The following SPRYD7 variants were observed in gnomAD, a reference collection of about 807,000 sequenced individuals.
SPRYD7 encodes the protein SPRY domain-containing protein 7.
A neutral mutation model predicts 23.8 loss-of-function variants in SPRYD7; 14 were observed. The observed-to-expected ratio is 0.59, with a 90% confidence interval of 0.39 to 0.92. The LOEUF (loss-of-function observed/expected upper bound fraction) is 0.92, where lower values mean the gene tolerates loss of function less well. SPRYD7 is among the 40% of genes least tolerant of loss of function. The pLI is 0.00. For synonymous variants in SPRYD7, 75 were observed against 84.9 expected (o/e 0.88, Z 0.64); for missense variants, 194 against 241.7 (o/e 0.80, Z 1.31).
At chr13:49,925,532 C>T (rs561475534) in intron 3 of SPRYD7, among the ~76,000 whole-genome samples, 2 of 152,114 alleles carry the variant, frequency 1.3e-5, no homozygotes, top group East Asian at 3.9e-4. Context: ...AGAAAGTAGG[C>T]CGGGCACGGT....
intron 3 of SPRYD7, among the ~76,000 whole-genome samples, chr13:49,925,568 T>C (rs1566404939): frequency 6.6e-6 from 1 of 151,974 alleles, no homozygotes; most frequent in Admixed American, 6.6e-5. Flanking sequence ...TCCCAGCACT[T>C]TGGGAGGCCG....
intron 2 of SPRYD7, 68 bp downstream of exon 2, chr13:49,930,950 G>T: frequency 2.1e-6 from 2 of 939,042 alleles, no homozygotes; most frequent in Non-Finnish European, 3.2e-6. Flanking sequence ...TCTTTTTTAT[G>T]TGTTACAAAT....
chr13:49,915,813 G>A (rs1594507215), intron 4 of SPRYD7, among the ~76,000 whole-genome samples: 2 of 152,320 alleles, frequency 1.3e-5, no homozygotes, highest in South Asian at 2.1e-4. Flanking sequence ...AACTGGTGAA[G>A]GATAAAGAAA....
intron 3 of SPRYD7, among the ~76,000 whole-genome samples, chr13:49,926,064 T>G (rs919464030): frequency 1.3e-5 from 2 of 152,182 alleles, no homozygotes; most frequent in Non-Finnish European, 2.9e-5. Context: ...TGTTAACAAT[T>G]TGGTAAAATT....
chr13:49,922,723 A>G (rs750899634), intron 3 of SPRYD7, among the ~76,000 whole-genome samples: 1 of 152,198 alleles, frequency 6.6e-6, no homozygotes, highest in Non-Finnish European at 1.5e-5. Flanking sequence ...CTTTCAATAG[A>G]GAAGTCATCA....
In SPRYD7 at chr13:49,936,269, A is replaced by G; in HGVS notation, c.-34T>C. ...GACCACCGACTCCGCCGCCGTCCCT[A>G]GACCGAGGCGACACTGCCCCCCGCC... On this transcript the variant is annotated 5_prime_UTR_variant, in exon 1 of 5. Coordinates refer to ENST00000361840, the MANE Select transcript of SPRYD7 (RefSeq NM_020456.4). 1 of 1,507,840 alleles carries G rather than the reference A, an allele frequency of 6.6e-7. No individual in the cohort carries two copies. The highest frequency in any genetic ancestry group is 1.2e-5 in the South Asian group (1 of 85,266). The allele number at this position is 1,507,840 out of a possible 1,614,324, so 93.4% of individuals were successfully genotyped here.
chr13:49,916,837 C>T (rs558938622), intron 4 of SPRYD7, among the ~76,000 whole-genome samples: 1 of 152,178 alleles, frequency 6.6e-6, no homozygotes, highest in East Asian at 1.9e-4. Flanking sequence ...AGTTTGGAAT[C>T]CAGACTACAG....
chr13:49,919,144 C>T (rs1483287640), intron 4 of SPRYD7, among the ~76,000 whole-genome samples: 1 of 151,474 alleles, frequency 6.6e-6, no homozygotes. Context: ...AGGCTGGACA[C>T]GGTGGCTCAT....
intron 4 of SPRYD7, among the ~76,000 whole-genome samples, chr13:49,916,124 T>C (rs1042405632): frequency 6.6e-6 from 1 of 152,098 alleles, no homozygotes; most frequent in Non-Finnish European, 1.5e-5. Context: ...ACCCTGGTGA[T>C]GACAAAACAA....
At chr13:49,917,087 G>GT (rs375553466) in intron 4 of SPRYD7, among the ~76,000 whole-genome samples, 101 of 150,902 alleles carry the variant, frequency 6.7e-4, no homozygotes, top group East Asian at 5.4e-3. Flanking sequence ...TCATAACTTT[G>GT]TTTTTTTTTG....
chr13:49,927,198 A>G (rs988799061), intron 3 of SPRYD7, among the ~76,000 whole-genome samples: 7 of 152,332 alleles, frequency 4.6e-5, no homozygotes, highest in Admixed American at 6.5e-5. Context: ...ATAACAAATT[A>G]AGAAATACAT....
intron 4 of SPRYD7, among the ~76,000 whole-genome samples, chr13:49,918,527 C>G (rs1955778298): frequency 1.3e-5 from 2 of 148,892 alleles, no homozygotes; most frequent in Non-Finnish European, 3.0e-5. Flanking sequence ...TCCGCCTCAC[C>G]CTCCTGAGTA....
chr13:49,917,382 C>G (rs1484767021), intron 4 of SPRYD7, among the ~76,000 whole-genome samples: 1 of 152,180 alleles, frequency 6.6e-6, no homozygotes, highest in South Asian at 2.1e-4. Flanking sequence ...GGATTACAGG[C>G]GTGAGCTACT....
intron 2 of SPRYD7, 152 bp from the exon 3 acceptor site, chr13:49,928,237 G>A (rs1566406358): frequency 2.9e-6 from 2 of 682,320 alleles, no homozygotes; most frequent in Non-Finnish European, 4.6e-6. Context: ...TTTAGAAGTA[G>A]TTTGCACCAG....
chr13:49,923,649 T>G (rs983129164), intron 3 of SPRYD7, among the ~76,000 whole-genome samples: 1 of 148,606 alleles, frequency 6.7e-6, no homozygotes, highest in Admixed American at 6.6e-5. Flanking sequence ...TTAGTTCAAG[T>G]ATTTTCTTTC....
Position 49,919,784 on chromosome 13 carries a change from A to C in SPRYD7, c.493+1694T>G, listed in dbSNP as rs535690986. Among the ~76,000 whole-genome samples, 3 of 151,614 alleles carry C rather than the reference A, an allele frequency of 2.0e-5. No individual in the cohort carries two copies. In the East Asian group the frequency reaches 5.8e-4, roughly 29 times the overall value. ...AAAAATAAAGCAGAATGGATTGATA[A>C]AGACATTGTGGTTATGTTTTTCTAA... On this transcript the variant is annotated intron_variant, in intron 4 of 4. Coordinates refer to ENST00000361840, the MANE Select transcript of SPRYD7 (RefSeq NM_020456.4).
intron 1 of SPRYD7, among the ~76,000 whole-genome samples, chr13:49,934,149 C>T (rs1871506941): frequency 6.6e-6 from 1 of 152,034 alleles, no homozygotes; most frequent in Non-Finnish European, 1.5e-5. Context: ...AAGATCAATT[C>T]ATGCTTGAAA....
chr13:49,923,903 T>C (rs1955848602), intron 3 of SPRYD7, among the ~76,000 whole-genome samples: 1 of 152,170 alleles, frequency 6.6e-6, no homozygotes, highest in Admixed American at 6.5e-5. Context: ...TTAATAATTG[T>C]GTGCAGGTTA....
intron 4 of SPRYD7, among the ~76,000 whole-genome samples, chr13:49,917,145 C>T (rs1955761456): frequency 6.6e-6 from 1 of 152,070 alleles, no homozygotes; most frequent in African/African-American, 2.4e-5. Context: ...GCTCTGTCAC[C>T]CAGGCTGGAG....
Sources: allele counts gnomAD v4.1 joint callset (sites outside exome capture counted in the v4.1 genomes callset), GRCh38; gene constraint gnomAD v4.1.1; transcripts MANE v1.5; gene names NCBI Gene and HGNC (gene_info 2026-07-23, HGNC 2026-07-21).